ZCCHC7: variants seen among roughly 807,000 people sequenced by gnomAD.
ZCCHC7 encodes the protein zinc finger CCHC domain-containing protein 7.
In ZCCHC7, 35 loss-of-function variants were observed where a neutral mutation model predicts 52.0. That is an observed-to-expected ratio of 0.67 (90% CI 0.51 to 0.89). The LOEUF (loss-of-function observed/expected upper bound fraction) is 0.89, where lower values mean the gene tolerates loss of function less well. Ranked by LOEUF, ZCCHC7 falls within the 40% of genes least tolerant of loss-of-function variation. ZCCHC7 has a pLI of 0.00. For missense variants in ZCCHC7, 574 were observed against 649.1 expected, an observed-to-expected ratio of 0.88 and a Z score of 1.26; for synonymous variants, 217 against 221.5, an observed-to-expected ratio of 0.98 and a Z score of 0.18.
Position 37,297,835 on chromosome 9 carries a change from C to A in ZCCHC7, c.611-4353C>A, listed in dbSNP as rs915708971. On this transcript the variant is annotated intron_variant, in intron 2 of 8. Coordinates refer to ENST00000336755, the MANE Select transcript of ZCCHC7 (RefSeq NM_032226.3). The stretch of plus-strand genomic sequence containing the variant: ...CTCTGTAATTATCTGTAGCTACTCT[C>A]TTAGTAAAGGAATGACGATCTTCAG... Among the ~76,000 whole-genome samples the A allele has an allele frequency of 6.6e-5, 10 of 152,308 alleles. No individual in the cohort carries two copies. The East Asian group carries it at 1.3e-3, about 21-fold the overall frequency.
chr9:37,301,686 C>T (rs1280241971), intron 2 of ZCCHC7, among the ~76,000 whole-genome samples: 1 of 152,144 alleles, frequency 6.6e-6, no homozygotes, highest in African/African-American at 2.4e-5. Flanking sequence ...ATCTCATTTA[C>T]ACAATTTTTT....
intron 2 of ZCCHC7, among the ~76,000 whole-genome samples, chr9:37,299,473 G>A (rs992222603): frequency 3.3e-5 from 5 of 152,106 alleles, no homozygotes; most frequent in African/African-American, 7.2e-5. Context: ...GCAAATTAGC[G>A]GCACAGTTAA....
intron 6 of ZCCHC7, among the ~76,000 whole-genome samples, chr9:37,343,837 A>G (rs1485552543): frequency 6.6e-6 from 1 of 152,230 alleles, no homozygotes; most frequent in African/African-American, 2.4e-5. Context: ...TTAGCCTGGC[A>G]GGCCATATGG....
intron 2 of ZCCHC7, among the ~76,000 whole-genome samples, chr9:37,272,256 TG>T (rs1827453648): frequency 6.6e-6 from 1 of 152,078 alleles, no homozygotes; most frequent in African/African-American, 2.4e-5. Context: ...GACCAGTAAA[TG>T]GGATTTATCT....
chr9:37,231,252 G>A (rs541145102), intron 2 of ZCCHC7, among the ~76,000 whole-genome samples: 28 of 152,190 alleles, frequency 1.8e-4, no homozygotes, highest in Admixed American at 4.6e-4. Context: ...GGCCATAAAC[G>A]TCTTTGGGGC....
intron 1 of ZCCHC7, 29 bp downstream of exon 1, chr9:37,120,652 G>A: frequency 5.1e-6 from 2 of 391,974 alleles, no homozygotes; most frequent in East Asian, 3.6e-5. Context: ...GACCCCCGCC[G>A]CCCGCGGCTC....
At chr9:37,307,087 G>A (rs1829364320) in intron 5 of ZCCHC7, among the ~76,000 whole-genome samples, 1 of 151,826 alleles carries the variant, frequency 6.6e-6, no homozygotes, top group Non-Finnish European at 1.5e-5. Context: ...CACCTGGCCT[G>A]ATTCTTCTTA....
chr9:37,261,255 C>A (rs1826853413), intron 2 of ZCCHC7, among the ~76,000 whole-genome samples: 1 of 152,084 alleles, frequency 6.6e-6, no homozygotes, highest in African/African-American at 2.4e-5. Context: ...GAGGAAGTTT[C>A]TCTAACTAAA....
intron 6 of ZCCHC7, among the ~76,000 whole-genome samples, chr9:37,328,520 C>G (rs1830337034): frequency 6.6e-6 from 1 of 151,968 alleles, no homozygotes; most frequent in Non-Finnish European, 1.5e-5. Context: ...CATAGCCCTA[C>G]TACTCACTTC....
chr9:37,240,676 T>C (rs1825835999), intron 2 of ZCCHC7, among the ~76,000 whole-genome samples: 1 of 151,960 alleles, frequency 6.6e-6, no homozygotes. Context: ...CCGCATTTCA[T>C]CCTTCAATTC....
At chr9:37,164,151 G>A (rs1356523949) in intron 2 of ZCCHC7, among the ~76,000 whole-genome samples, 1 of 151,552 alleles carries the variant, frequency 6.6e-6, no homozygotes, top group Non-Finnish European at 1.5e-5. Flanking sequence ...TTTTGAAAGA[G>A]GATCTTCTGG....
At chr9:37,290,044 C>G (rs998818215) in intron 2 of ZCCHC7, among the ~76,000 whole-genome samples, 3 of 152,074 alleles carry the variant, frequency 2.0e-5, no homozygotes, top group African/African-American at 7.2e-5. Flanking sequence ...TTTCTTTTTT[C>G]CAAAGCTCTT....
intron 2 of ZCCHC7, among the ~76,000 whole-genome samples, chr9:37,161,302 C>T (rs536634210): frequency 1.3e-4 from 20 of 152,114 alleles, no homozygotes; most frequent in Admixed American, 1.0e-3. Flanking sequence ...CAGCTGGGCG[C>T]GGTGGCTCAC....
intron 2 of ZCCHC7, among the ~76,000 whole-genome samples, chr9:37,161,472 G>A (rs1480929822): frequency 6.6e-6 from 1 of 152,092 alleles, no homozygotes; most frequent in Non-Finnish European, 1.5e-5. Flanking sequence ...CTACTCGGGA[G>A]GCTGAGGCAG....
At chr9:37,141,092 A>T (rs1843202531) in intron 2 of ZCCHC7, among the ~76,000 whole-genome samples, 1 of 151,972 alleles carries the variant, frequency 6.6e-6, no homozygotes, top group Non-Finnish European at 1.5e-5. Flanking sequence ...CTTTAGTAGT[A>T]TACCTGCAAC....
intron 2 of ZCCHC7, among the ~76,000 whole-genome samples, chr9:37,208,394 C>G (rs1416512598): frequency 6.6e-6 from 1 of 152,176 alleles, no homozygotes; most frequent in Non-Finnish European, 1.5e-5. Flanking sequence ...CCTATTAAAG[C>G]TTCTGAAACA....
intron 2 of ZCCHC7, chr9:37,186,872 C>G (rs576481300): frequency 2.9e-6 from 1 of 340,880 alleles, no homozygotes; most frequent in Admixed American, 5.0e-5. Context: ...AACCTAACTG[C>G]GATTTATAAA....
At chr9:37,161,264 T>C (rs1028966119) in intron 2 of ZCCHC7, among the ~76,000 whole-genome samples, 4 of 152,102 alleles carry the variant, frequency 2.6e-5, no homozygotes, top group African/African-American at 4.8e-5. Flanking sequence ...ATCTATATCT[T>C]AACAAGTCTG....
intron 2 of ZCCHC7, among the ~76,000 whole-genome samples, chr9:37,204,946 T>C (rs1823825153): frequency 6.6e-6 from 1 of 152,202 alleles, no homozygotes. Flanking sequence ...TTTGAATGTG[T>C]CCCCCAAAGG....
Sources: allele counts gnomAD v4.1 joint callset (sites outside exome capture counted in the v4.1 genomes callset), GRCh38; gene constraint gnomAD v4.1.1; transcripts MANE v1.5; gene names NCBI Gene and HGNC (gene_info 2026-07-23, HGNC 2026-07-21).